The following TXNRD1 variants were observed in gnomAD, a reference collection of about 807,000 sequenced individuals.
TXNRD1 encodes the protein thioredoxin reductase 1, cytoplasmic.
In TXNRD1, 57 loss-of-function variants were observed where a neutral mutation model predicts 80.3. The ratio of observed to expected loss-of-function variants is 0.71; its 90% CI spans 0.57 to 0.89. TXNRD1 has a LOEUF of 0.89. TXNRD1 is among the 40% of genes least tolerant of loss of function. The probability of loss-of-function intolerance (pLI) is 0.00; values close to 1 mark genes in which losing one functional copy is unlikely to be tolerated. For synonymous variants in TXNRD1, 291 were observed against 285.2 expected, an observed-to-expected ratio of 1.02 and a Z score of -0.20; for missense variants, 730 against 803.0, an observed-to-expected ratio of 0.91 and a Z score of 1.10.
chr12:104,332,067 C>T (rs1360390476), intron 14 of TXNRD1, among the ~76,000 whole-genome samples: 1 of 152,108 alleles, frequency 6.6e-6, no homozygotes, highest in Non-Finnish European at 1.5e-5. Flanking sequence ...ATTGATTTCT[C>T]TGGGTTAATT....
chr12:104,230,121 G>A (rs1213227504), intron 1 of TXNRD1, among the ~76,000 whole-genome samples: 2 of 151,902 alleles, frequency 1.3e-5, no homozygotes, highest in African/African-American at 4.8e-5. Flanking sequence ...CCAGGCTGGA[G>A]TGCAGTGGTG....
intron 4 of TXNRD1, among the ~76,000 whole-genome samples, chr12:104,311,045 A>C (rs2035115201): frequency 6.6e-6 from 1 of 152,234 alleles, no homozygotes; most frequent in Non-Finnish European, 1.5e-5. Context: ...ACTTATGTAG[A>C]GGTACTATAC....
intron 10 of TXNRD1, among the ~76,000 whole-genome samples, chr12:104,323,755 G>A (rs2035644802): frequency 6.9e-6 from 1 of 145,592 alleles, no homozygotes; most frequent in East Asian, 2.1e-4. Flanking sequence ...AGGGGCGGCC[G>A]GGCAGAGGCG....
chr12:104,279,940 G>C (rs2033841087), intron 3 of TXNRD1, among the ~76,000 whole-genome samples: 1 of 151,656 alleles, frequency 6.6e-6, no homozygotes, highest in Non-Finnish European at 1.5e-5. Context: ...GCATGCACCT[G>C]TAGTCCCAGC....
chr12:104,309,025 A>G (rs1172152102), intron 4 of TXNRD1, among the ~76,000 whole-genome samples: 4 of 151,542 alleles, frequency 2.6e-5, no homozygotes, highest in Non-Finnish European at 5.9e-5. Context: ...AGCCTCCCGA[A>G]TAGCTGGGAC....
chr12:104,281,645 A>G (rs2033881592), intron 3 of TXNRD1, among the ~76,000 whole-genome samples: 1 of 151,758 alleles, frequency 6.6e-6, no homozygotes, highest in African/African-American at 2.4e-5. Context: ...TGACCTCGTG[A>G]TCCGCCCGCC....
chr12:104,318,354 G>A (rs2035404126), intron 7 of TXNRD1, among the ~76,000 whole-genome samples: 1 of 152,154 alleles, frequency 6.6e-6, no homozygotes, highest in African/African-American at 2.4e-5. Context: ...AAATATTTTA[G>A]GATTCTTGGG....
intron 3 of TXNRD1, chr12:104,286,638 ACATCAGAATGTCTAGGGGTGGGAGCCAGG>A: frequency 1.3e-6 from 1 of 758,428 alleles, no homozygotes; most frequent in Non-Finnish European, 1.6e-6. Context: ...CACACCAATG[ACATCAGAATGTCTAGGGGTGGGAGCCAGG>A]CACCAGGATT....
At chr12:104,325,474 C>A in intron 11 of TXNRD1, 45 bp downstream of exon 11, 1 of 1,366,228 alleles carries the variant, frequency 7.3e-7, no homozygotes, top group African/African-American at 1.4e-5. Flanking sequence ...AAGCAAATAA[C>A]ATGCTTATTG....
intron 2 of TXNRD1, among the ~76,000 whole-genome samples, chr12:104,254,330 G>A (rs2033191612): frequency 6.6e-6 from 1 of 151,930 alleles, no homozygotes; most frequent in Non-Finnish European, 1.5e-5. Flanking sequence ...AAAACCTTGG[G>A]TGGTTAATCT....
chr12:104,343,841 C>T (rs750276924), intron 16 of TXNRD1, among the ~76,000 whole-genome samples: 46 of 149,026 alleles, frequency 3.1e-4, no homozygotes, highest in Admixed American at 6.0e-4. Context: ...CAGTGGCTCA[C>T]GCCTGTAATC....
At position 104,321,069 on chromosome 12, in the gene TXNRD1, CTTTTTT is replaced by C; in HGVS notation, c.990-13_990-8del. The C allele has an allele frequency of 7.7e-7, 1 of 1,297,826 alleles. No homozygotes were observed. The highest frequency in any genetic ancestry group is 1.1e-6 in the Non-Finnish European group (1 of 933,344). 80.4% of individuals were successfully genotyped at this position (1,297,826 alleles called of 1,614,324 possible). ...GGAACTTTCTTTTTCTTCTTTCTTC[CTTTTTT>C]TTTTTTTTCCCCCAGTGATGATCTT... On this transcript the variant is annotated splice_polypyrimidine_tract_variant and intron_variant, in intron 9 of 16. Transcript: ENST00000525566.
At chr12:104,319,745 A>G (rs1002852019) in intron 9 of TXNRD1, among the ~76,000 whole-genome samples, 160 bp downstream of exon 9, 6 of 152,238 alleles carry the variant, frequency 3.9e-5, no homozygotes, top group African/African-American at 1.2e-4. Flanking sequence ...GAGAAAAAGG[A>G]AAAATGATTT....
chr12:104,299,216 A>G (rs1017017498), intron 4 of TXNRD1, among the ~76,000 whole-genome samples: 1 of 152,148 alleles, frequency 6.6e-6, no homozygotes, highest in Admixed American at 6.5e-5. Context: ...TCAAGGGTCA[A>G]CTGCAGTAGT....
intron 3 of TXNRD1, among the ~76,000 whole-genome samples, chr12:104,268,161 CTCT>C (rs983274415): frequency 6.8e-6 from 1 of 147,104 alleles, no homozygotes; most frequent in African/African-American, 2.5e-5. Context: ...CGGCCCCTTC[CTCT>C]TTCTCTCTGT....
intron 3 of TXNRD1, among the ~76,000 whole-genome samples, chr12:104,261,992 C>T (rs1436172362): frequency 1.3e-5 from 2 of 151,732 alleles, no homozygotes; most frequent in African/African-American, 4.8e-5. Context: ...AGGTGATCCA[C>T]CTGCCTCGGC....
At chr12:104,262,381 A>G (rs1037107011) in intron 3 of TXNRD1, 1 of 152,194 alleles carries the variant, frequency 6.6e-6, no homozygotes. Flanking sequence ...AGTTGGCCTT[A>G]GCCACACAGG....
In TXNRD1 at chr12:104,293,795, C is replaced by T. The variant is rs577320365; in HGVS notation, c.414+4755C>T. ...CCGGGGGACCGCTACCACCAATGCG[C>T]GGAGACCGGTAGTGGCCCCGAATGT... On this transcript the variant is annotated intron_variant, in intron 4 of 16. Transcript: ENST00000525566. Among the ~76,000 whole-genome samples the T allele has an allele frequency of 1.1e-4, 17 of 152,242 alleles. No individual in the cohort carries two copies. In the East Asian group the frequency reaches 1.9e-3, roughly 17 times the overall value.
intron 16 of TXNRD1, among the ~76,000 whole-genome samples, chr12:104,345,688 A>T (rs1461647316): frequency 6.6e-6 from 1 of 152,246 alleles, no homozygotes; most frequent in Non-Finnish European, 1.5e-5. Context: ...GTTCAAGAGG[A>T]AAACATTTGA....
Sources: gnomAD v4.1 joint callset for allele counts (sites outside exome capture counted in the v4.1 genomes callset) on GRCh38, gnomAD v4.1.1 for gene constraint, MANE v1.5 for transcripts, NCBI Gene and HGNC (gene_info 2026-07-23, HGNC 2026-07-21) for gene names.